The following LPIN2 variants were observed in gnomAD, a reference collection of about 807,000 sequenced individuals.
The protein encoded by LPIN2 is phosphatidate phosphatase LPIN2.
Under a neutral mutation model 111.4 loss-of-function variants are expected in LPIN2, and 55 were observed. The ratio of observed to expected loss-of-function variants is 0.49; its 90% CI spans 0.40 to 0.62. The LOEUF (loss-of-function observed/expected upper bound fraction) is 0.62. Among genes scored for constraint, LPIN2 ranks in the 20% least tolerant of loss-of-function variants. The pLI is 0.00. For synonymous variants in LPIN2, 425 were observed against 414.0 expected (o/e 1.03, Z -0.32); for missense variants, 992 against 1,112.1 (o/e 0.89, Z 1.54).
At position 2,958,401 on chromosome 18, in the gene LPIN2, A is replaced by C. The variant is rs548530543; in HGVS notation, c.192+2248T>G. 6.6e-5 allele frequency among the ~76,000 whole-genome samples: 10 copies of C among 152,202 alleles called. No homozygotes were observed. The South Asian group carries it at 2.1e-3, about 32-fold the overall frequency. On this transcript the variant is annotated intron_variant, in intron 2 of 19. Transcript: ENST00000677752. ...GTGGTTTTAAGGTGGTCATGATTTC[A>C]AATTCACTTCATAGGTACACCCGTA...
chr18:2,924,147 T>G (rs918874333), intron 15 of LPIN2, among the ~76,000 whole-genome samples: 10 of 152,310 alleles, frequency 6.6e-5, no homozygotes, highest in African/African-American at 2.4e-4. Context: ...TGTTTTCATA[T>G]CAGAATTGAA....
chr18:2,973,701 G>C (rs2077960663), intron 1 of LPIN2, among the ~76,000 whole-genome samples: 1 of 152,198 alleles, frequency 6.6e-6, no homozygotes, highest in Non-Finnish European at 1.5e-5. Flanking sequence ...GATATTTTCA[G>C]ATTTTGGAAT....
chr18:2,927,053 T>A (rs1459397438), intron 12 of LPIN2, among the ~76,000 whole-genome samples: 1 of 152,152 alleles, frequency 6.6e-6, no homozygotes, highest in Non-Finnish European at 1.5e-5. Context: ...CCATTTCAAG[T>A]CACAAAACAT....
At chr18:2,955,866 G>C (rs2077603670) in intron 2 of LPIN2, among the ~76,000 whole-genome samples, 1 of 152,116 alleles carries the variant, frequency 6.6e-6, no homozygotes. Flanking sequence ...AGTGAGCCGA[G>C]ATCACGCCAT....
chr18:2,954,806 TGAAA>T (rs2077584673), intron 2 of LPIN2, among the ~76,000 whole-genome samples: 1 of 152,158 alleles, frequency 6.6e-6, no homozygotes, highest in African/African-American at 2.4e-5. Flanking sequence ...AACCAGGAAT[TGAAA>T]GAAAGTGTTT....
At chr18:2,946,495 G>A (rs769024774) in intron 4 of LPIN2, 39 of 1,566,176 alleles carry the variant, frequency 2.5e-5, no homozygotes, top group Non-Finnish European at 2.9e-5. Context: ...TCTCAGGATC[G>A]AAGCGCTGAC....
rs1598526924 is a variant in LPIN2 at position 2,927,822 on chromosome 18, C to A, written c.1621-11G>T. The A allele has an allele frequency of 1.2e-6, 2 of 1,613,728 alleles. No homozygotes were observed. Among genetic ancestry groups the A allele is most frequent in the East Asian group, 4.5e-5 (2 of 44,880 alleles). On this transcript the variant is annotated splice_polypyrimidine_tract_variant and intron_variant, in intron 11 of 19. Transcript: ENST00000677752. ...GGACTCAACTGTGGCCTGAAAACAA[C>A]CAACCTGGGTTAGTCTGGGCAATCT...
chr18:2,982,472 A>T (rs575554288), intron 1 of LPIN2, among the ~76,000 whole-genome samples: 1 of 152,322 alleles, frequency 6.6e-6, no homozygotes, highest in East Asian at 1.9e-4. Context: ...GGCATAGTAA[A>T]TGCAGGAGGG....
At chr18:2,980,950 A>G (rs2078101383) in intron 1 of LPIN2, among the ~76,000 whole-genome samples, 1 of 152,230 alleles carries the variant, frequency 6.6e-6, no homozygotes, top group African/African-American at 2.4e-5. Context: ...GGTTATTTGA[A>G]TATAAAATAA....
At position 2,925,308 on chromosome 18, in the gene LPIN2, T is replaced by C. The variant is rs753630025; in HGVS notation, c.1854A>G (p.Thr618=). 1.9e-6 allele frequency: 3 copies of C among 1,614,146 alleles called. No homozygotes were observed. Among genetic ancestry groups the C allele is most frequent in the Non-Finnish European group, 2.5e-6 (3 of 1,179,996 alleles). The part of the protein sequence containing the change: ...EGSQELEESI[T]VDPIPTEPLS... ...GGGGCTCTGTGGGGATGGGGTCCAC[T>C]GTGATGGATTCTTCGAGCTCCTGTG... The change falls in exon 14 of 20, where the codon ACA becomes ACG. Residue 618 remains threonine (T), a synonymous_variant. Transcript: ENST00000677752. The surrounding 1 kb of genome is among the most constrained non-coding windows in gnomAD (Gnocchi z 4.1).
In LPIN2 at chr18:2,921,981, C is replaced by T. The variant is rs76543111; in HGVS notation, c.2327+66G>A. ...TGACTTCTGTTCCCACACATCCCCC[C>T]ACCTTGGGCCCAGCCCCGCCCACAT... On this transcript the variant is annotated intron_variant, in intron 17 of 19. Coordinates refer to ENST00000677752, the MANE Select transcript of LPIN2 (RefSeq NM_001375808.2). 23,452 of 1,542,958 alleles carry T rather than the reference C, an allele frequency of 0.015. 230 individuals are homozygous for T. The highest frequency in any genetic ancestry group is 0.032 in the African/African-American group (2,302 of 72,810).
At chr18:3,009,719 G>A (rs1567869518) in intron 1 of LPIN2, among the ~76,000 whole-genome samples, 1 of 152,108 alleles carries the variant, frequency 6.6e-6, no homozygotes, top group African/African-American at 2.4e-5. Flanking sequence ...GGGATTACAG[G>A]CGTGAACCAC....
intron 6 of LPIN2, 112 bp downstream of exon 6, chr18:2,939,368 A>G (rs1179731520): frequency 2.3e-6 from 3 of 1,304,932 alleles, no homozygotes; most frequent in Non-Finnish European, 3.3e-6. Context: ...GGGCACTATC[A>G]TTTACATTCA....
intron 1 of LPIN2, among the ~76,000 whole-genome samples, chr18:2,986,965 A>G (rs2078196106): frequency 6.6e-6 from 1 of 152,004 alleles, no homozygotes; most frequent in African/African-American, 2.4e-5. Context: ...GTTGCTTGAC[A>G]GGGGTGGAGG....
chr18:2,921,510 C>A, intron 18 of LPIN2, 23 bp downstream of exon 18: 1 of 1,559,784 alleles, frequency 6.4e-7, no homozygotes, highest in Non-Finnish European at 8.8e-7. Flanking sequence ...CACATCAGAA[C>A]CCAGAGCCCA....
At chr18:2,970,780 G>C (rs1257279966) in intron 1 of LPIN2, among the ~76,000 whole-genome samples, 3 of 152,152 alleles carry the variant, frequency 2.0e-5, no homozygotes, top group Non-Finnish European at 1.5e-5. Flanking sequence ...AAAATATGAA[G>C]CTGGCCTTAA....
At position 2,938,162 on chromosome 18, in the gene LPIN2, T is replaced by C; in HGVS notation, c.823-125A>G. 8.2e-6 allele frequency: 6 copies of C among 730,120 alleles called. No homozygotes were observed. In the South Asian group the frequency reaches 9.8e-5, roughly 12 times the overall value. The allele number at this position is 730,120 out of a possible 1,614,324, so 45.2% of individuals were successfully genotyped here. A position where few individuals can be genotyped will look rare whatever the true frequency, so the allele number is the denominator to read the frequency against. On this transcript the variant is annotated intron_variant, in intron 6 of 19. Coordinates refer to ENST00000677752, the MANE Select transcript of LPIN2 (RefSeq NM_001375808.2). ...CACATTCATTAAGTATCTTAGTTTGTACATGTAAAAATTCCATAATAAAGT... is the reference window on the plus strand; with the variant it reads ...CACATTCATTAAGTATCTTAGTTTGCACATGTAAAAATTCCATAATAAAGT...
chr18:2,977,867 A>T (rs1258557624), intron 1 of LPIN2, among the ~76,000 whole-genome samples: 2 of 152,222 alleles, frequency 1.3e-5, no homozygotes, highest in Non-Finnish European at 2.9e-5. Flanking sequence ...GGAAGGCAAG[A>T]TCCATCAATG....
intron 4 of LPIN2, among the ~76,000 whole-genome samples, 171 bp downstream of exon 4, chr18:2,950,884 T>C (rs1025196166): frequency 5.3e-5 from 8 of 152,144 alleles, no homozygotes; most frequent in South Asian, 4.1e-4. Flanking sequence ...ATTTATAGAA[T>C]AGTTGAAAGG....
Sources: allele counts gnomAD v4.1 joint callset (sites outside exome capture counted in the v4.1 genomes callset), GRCh38; gene constraint gnomAD v4.1.1; non-coding constraint Gnocchi (gnomAD v3.1); transcripts MANE v1.5; gene names NCBI Gene and HGNC (gene_info 2026-07-23, HGNC 2026-07-21).